RGS13: variants seen among roughly 807,000 people sequenced by gnomAD.
The protein encoded by RGS13 is regulator of G-protein signalling 13.
A neutral mutation model predicts 19.9 loss-of-function variants in RGS13; 14 were observed. The observed-to-expected ratio is 0.70, with a 90% CI of 0.46 to 1.10. The LOEUF (loss-of-function observed/expected upper bound fraction) is 1.10. Ranked by LOEUF, RGS13 falls within the 50% of genes least tolerant of loss-of-function variation. The pLI, the probability that RGS13 is intolerant of heterozygous loss-of-function variation, is 0.00. For synonymous variants in RGS13, 60 were observed against 56.8 expected, an observed-to-expected ratio of 1.06 and a Z score of -0.25; for missense variants, 205 against 187.1, an observed-to-expected ratio of 1.10 and a Z score of -0.56.
At chr1:192,646,866 G>A (rs968937935) in intron 4 of RGS13, 9 of 152,070 alleles carry the variant, frequency 5.9e-5, no homozygotes, top group African/African-American at 2.2e-4. Context: ...ATTCCATGGT[G>A]TATAAAGTTA....
chr1:192,643,997 T>C (rs1236070040), intron 3 of RGS13, among the ~76,000 whole-genome samples: 1 of 152,090 alleles, frequency 6.6e-6, no homozygotes, highest in Non-Finnish European at 1.5e-5. Flanking sequence ...AAGGGAAGCC[T>C]TGGGAGTTGG....
intron 6 of RGS13, chr1:192,658,581 CAAAATTAA>C (rs1663490307): frequency 2.4e-6 from 1 of 412,968 alleles, no homozygotes; most frequent in Admixed American, 4.0e-5. Flanking sequence ...AGTTAAGATT[CAAAATTAA>C]ATCTATCTGG....
At chr1:192,649,829 C>T (rs575878154) in intron 5 of RGS13, among the ~76,000 whole-genome samples, 1 of 152,232 alleles carries the variant, frequency 6.6e-6, no homozygotes, top group African/African-American at 2.4e-5. Context: ...TTAGTAATTT[C>T]TCCTTTATCT....
chr1:192,644,235 TA>T (rs1364087853), intron 3 of RGS13, 95 bp from the exon 4 acceptor site: 1 of 859,360 alleles, frequency 1.2e-6, no homozygotes, highest in Non-Finnish European at 1.7e-6. Context: ...TCTTTTTTTT[TA>T]TGATTTATAA....
chr1:192,657,896 T>C (rs1381275268), intron 5 of RGS13, among the ~76,000 whole-genome samples: 1 of 152,116 alleles, frequency 6.6e-6, no homozygotes, highest in Non-Finnish European at 1.5e-5. Flanking sequence ...TAAGTCCTTT[T>C]CCTGGGCTCT....
At position 192,648,008 on chromosome 1, in the gene RGS13, A is replaced by G. The variant is rs201446995; in HGVS notation, c.127+21A>G. On this transcript the variant is annotated intron_variant, in intron 5 of 6. Coordinates refer to ENST00000391995, the MANE Select transcript of RGS13 (RefSeq NM_002927.5). ...AAAATGTGAGTATTGCGTATCTGTCATCTTTGAATAACTAGCGAGTTCCAT... is the reference window on the plus strand; with the variant it reads ...AAAATGTGAGTATTGCGTATCTGTCGTCTTTGAATAACTAGCGAGTTCCAT... The G allele has an allele frequency of 5.1e-5, 79 of 1,536,060 alleles. No homozygotes were observed. The South Asian group carries it at 6.0e-4, about 12-fold the overall frequency.
At chr1:192,653,830 C>A (rs1232163895) in intron 5 of RGS13, among the ~76,000 whole-genome samples, 1 of 151,926 alleles carries the variant, frequency 6.6e-6, no homozygotes, top group African/African-American at 2.4e-5. Flanking sequence ...AGGAAATATA[C>A]CAAATTGTTA....
intron 3 of RGS13, among the ~76,000 whole-genome samples, chr1:192,641,270 GAA>G (rs1312658045): frequency 1.4e-4 from 14 of 96,772 alleles, no homozygotes; most frequent in Non-Finnish European, 2.8e-4. Context: ...AAGAAAGAAA[GAA>G]AGAAAGAAAG....
intron 6 of RGS13, chr1:192,658,651 G>T: frequency 3.5e-6 from 1 of 287,888 alleles, no homozygotes; most frequent in Non-Finnish European, 6.4e-6. Context: ...AACTTAAAAA[G>T]AAAAAAAGGA....
intron 3 of RGS13, among the ~76,000 whole-genome samples, chr1:192,642,878 G>T (rs1663150161): frequency 6.6e-6 from 1 of 151,780 alleles, no homozygotes; most frequent in Non-Finnish European, 1.5e-5. Flanking sequence ...TTTTGTTTTT[G>T]AGATAGGGTC....
intron 3 of RGS13, among the ~76,000 whole-genome samples, chr1:192,641,288 A>AAG (rs1663114634): frequency 8.3e-6 from 1 of 120,006 alleles, no homozygotes; most frequent in African/African-American, 2.5e-5. Flanking sequence ...GAAAGAAAGA[A>AAG]AGAAAGAAAG....
intron 1 of RGS13, among the ~76,000 whole-genome samples, 193 bp from the exon 2 acceptor site, chr1:192,637,397 T>C (rs1458932391): frequency 6.6e-6 from 1 of 151,954 alleles, no homozygotes; most frequent in Non-Finnish European, 1.5e-5. Context: ...TAAGCCATGA[T>C]ATTAACACAA....
In RGS13 at chr1:192,637,658, T is replaced by C. The variant is rs1571575935; in HGVS notation, c.-47T>C. On this transcript the variant is annotated splice_region_variant and 5_prime_UTR_variant, in exon 2 of 7. Coordinates refer to ENST00000391995, the MANE Select transcript of RGS13 (RefSeq NM_002927.5). ...AAAATGATCATTGTTTATTTGAAGC[T>C]TGGTGAGTTTATCCACAATTTAAAT... 1 of 152,058 alleles carries C rather than the reference T, an allele frequency of 6.6e-6. No homozygotes were observed. The highest frequency in any genetic ancestry group is 1.5e-5 in the Non-Finnish European group (1 of 67,942). 9.4% of individuals were successfully genotyped at this position (152,058 alleles called of 1,614,324 possible).
intron 5 of RGS13, among the ~76,000 whole-genome samples, chr1:192,651,482 G>C (rs984538513): frequency 6.6e-6 from 1 of 152,044 alleles, no homozygotes; most frequent in African/African-American, 2.4e-5. Context: ...AGTTATATTT[G>C]GGAAATACAG....
At chr1:192,639,335 T>C (rs1320649668) in intron 3 of RGS13, among the ~76,000 whole-genome samples, 1 of 130,844 alleles carries the variant, frequency 7.6e-6, no homozygotes, top group Non-Finnish European at 1.7e-5. Context: ...CAACCATGCC[T>C]GAGCTCTTCT....
At chr1:192,641,241 AAAG>A (rs1490008960) in intron 3 of RGS13, among the ~76,000 whole-genome samples, 8 of 90,130 alleles carry the variant, frequency 8.9e-5, no homozygotes, top group Non-Finnish European at 1.6e-4. Flanking sequence ...AGAAAGAAAG[AAAG>A]AAAAGAAAGA....
Position 192,637,984 on chromosome 1 carries a change from A to C in RGS13, c.-44-180A>C, listed in dbSNP as rs1663043611. Among the ~76,000 whole-genome samples, 3 of 152,196 alleles carry C rather than the reference A, an allele frequency of 2.0e-5. No homozygotes were observed. The South Asian group carries it at 6.2e-4, about 32-fold the overall frequency. On this transcript the variant is annotated intron_variant, in intron 2 of 6. Coordinates refer to ENST00000391995, the MANE Select transcript of RGS13 (RefSeq NM_002927.5). Reference sequence around the variant, plus strand: ...ATATTTCTTAGAAGTTCTCAATTGTAAATGTGAGAGGATTTCATTCTGCCA... The same window carrying C: ...ATATTTCTTAGAAGTTCTCAATTGTCAATGTGAGAGGATTTCATTCTGCCA...
chr1:192,657,404 A>T (rs539547834), intron 5 of RGS13, among the ~76,000 whole-genome samples: 11 of 152,234 alleles, frequency 7.2e-5, no homozygotes, highest in Non-Finnish European at 1.5e-5. Context: ...TCTTTTTCAA[A>T]TATTACTACC....
intron 4 of RGS13, chr1:192,646,387 C>A (rs897851495): frequency 6.6e-6 from 1 of 152,062 alleles, no homozygotes; most frequent in African/African-American, 2.4e-5. Context: ...ACAGTGCTTG[C>A]GTGTCTATAG....
Sources: gnomAD v4.1 joint callset for allele counts (sites outside exome capture counted in the v4.1 genomes callset) on GRCh38, gnomAD v4.1.1 for gene constraint, MANE v1.5 for transcripts, NCBI Gene and HGNC (gene_info 2026-07-23, HGNC 2026-07-21) for gene names.